ZNF30: variants seen among roughly 807,000 people sequenced by gnomAD.
ZNF30 encodes the protein zinc finger protein 30 (KOX 28).
A neutral mutation model predicts 13.2 loss-of-function variants in ZNF30; 15 were observed. The ratio of observed to expected loss-of-function variants is 1.13; its 90% CI spans 0.76 to 1.75. The LOEUF (loss-of-function observed/expected upper bound fraction) is 1.75. Ranked by LOEUF, ZNF30 falls within the 40% of genes most tolerant of loss-of-function variation. ZNF30 has a pLI of 0.00. For missense variants in ZNF30, 726 were observed against 757.0 expected, an observed-to-expected ratio of 0.96 and a Z score of 0.48; for synonymous variants, 223 against 256.6, an observed-to-expected ratio of 0.87 and a Z score of 1.25.
chr19:34,930,920 C>CT (rs778491201), intron 2 of ZNF30, among the ~76,000 whole-genome samples: 1 of 151,688 alleles, frequency 6.6e-6, no homozygotes, highest in East Asian at 1.9e-4. Context: ...TTGTATGACA[C>CT]TATCAGCATA....
chr19:34,925,015 A>G (rs1321360123), upstream of ZNF30, among the ~76,000 whole-genome samples: 1 of 152,208 alleles, frequency 6.6e-6, no homozygotes. Flanking sequence ...TTGATAAGAG[A>G]AAAGTTCCCT....
rs145286227 is a variant in ZNF30, at chr19:34,930,724, A to G, written c.9+768A>G. Among the ~76,000 whole-genome samples, 360 of 152,206 alleles carry G rather than the reference A, an allele frequency of 2.4e-3. 2 individuals carry two copies. The highest frequency in any genetic ancestry group is 8.0e-3 in the African/African-American group (332 of 41,514). On this transcript the variant is annotated intron_variant, in intron 2 of 4. Transcript: ENST00000601142. Reference sequence around the variant, plus strand: ...AAAAATTTTTTTTAATTAGCCAGGCATGGGGGCACATGCCTGTAGTCCTAA... The same window carrying G: ...AAAAATTTTTTTTAATTAGCCAGGCGTGGGGGCACATGCCTGTAGTCCTAA...
intron 4 of ZNF30, among the ~76,000 whole-genome samples, chr19:34,941,017 C>T (rs115643512): frequency 0.021 from 3,153 of 152,272 alleles, 127 homozygotes; most frequent in African/African-American, 0.072. Context: ...CAACATTCTT[C>T]TCATAAGAAT....
intron 4 of ZNF30, among the ~76,000 whole-genome samples, chr19:34,939,114 T>A (rs1037416885): frequency 7.0e-6 from 1 of 142,830 alleles, no homozygotes; most frequent in African/African-American, 2.8e-5. Flanking sequence ...TACCTATCAG[T>A]GTCTTGTCTC....
At chr19:34,942,372 G>T (rs2013086460) in intron 4 of ZNF30, among the ~76,000 whole-genome samples, 2 of 152,010 alleles carry the variant, frequency 1.3e-5, no homozygotes, top group South Asian at 4.1e-4. Context: ...ACCTGAGCCT[G>T]GGAGGTTGAG....
At chr19:34,932,029 T>G (rs771550724) in intron 3 of ZNF30, 36 bp downstream of exon 3, 1 of 1,539,600 alleles carries the variant, frequency 6.5e-7, no homozygotes, top group Non-Finnish European at 8.7e-7. Flanking sequence ...GAGAATCTGC[T>G]CCCTGTTATA....
intron 3 of ZNF30, among the ~76,000 whole-genome samples, 171 bp downstream of exon 3, chr19:34,932,164 T>C (rs1261587088): frequency 3.9e-5 from 6 of 152,198 alleles, no homozygotes; most frequent in Non-Finnish European, 7.3e-5. Context: ...AATTCTGGAT[T>C]GTCTATTGCA....
rs768387992 is a variant in ZNF30, at chr19:34,944,621, ATGGACAACTTAT to A, written c.1662_1673del (p.Gln554_Gly557del). ...AAATGTGGGAAAGCCTTTACTGTTT[ATGGACAACTTAT>A]TGGACATCAGAGTGTTCACACTGGT... On this transcript the variant is annotated inframe_deletion, in exon 5 of 5. Transcript: ENST00000601142. 7 of 1,613,964 alleles carry A rather than the reference ATGGACAACTTAT, an allele frequency of 4.3e-6. No individual in the cohort carries two copies. The African/African-American group carries it at 9.3e-5, about 22-fold the overall frequency.
chr19:34,925,177 T>G (rs538020413), upstream of ZNF30, among the ~76,000 whole-genome samples: 116 of 143,346 alleles, frequency 8.1e-4, no homozygotes, highest in Admixed American at 1.0e-3. Flanking sequence ...GAAGCCCCAG[T>G]GGGCGTGTTA....
intron 1 of ZNF30, among the ~76,000 whole-genome samples, chr19:34,928,554 C>T (rs1286223059): frequency 1.3e-5 from 2 of 152,014 alleles, no homozygotes; most frequent in African/African-American, 2.4e-5. Flanking sequence ...TTATGGTGGC[C>T]GGGTGCGGTG....
At chr19:34,939,455 G>A (rs960223961) in intron 4 of ZNF30, among the ~76,000 whole-genome samples, 1 of 151,368 alleles carries the variant, frequency 6.6e-6, no homozygotes, top group Admixed American at 6.6e-5. Context: ...TAGGATTACA[G>A]GCGTGAGCCA....
Position 34,942,623 on chromosome 19 carries a change from C to G in ZNF30, c.257-600C>G, listed in dbSNP as rs983888263. Reference sequence around the variant, plus strand: ...AGAAAGCTCCAGTCTACAAACAAAACATGCCAGAAGATTTTTAGGCGATGA... The same window carrying G: ...AGAAAGCTCCAGTCTACAAACAAAAGATGCCAGAAGATTTTTAGGCGATGA... On this transcript the variant is annotated intron_variant, in intron 4 of 4. Coordinates refer to ENST00000601142, the MANE Select transcript of ZNF30 (RefSeq NM_194325.3). The G allele has an allele frequency of 2.4e-5, 31 of 1,288,942 alleles. No homozygotes were observed. The African/African-American group carries it at 4.6e-4, about 19-fold the overall frequency. The allele number at this position is 1,288,942 out of a possible 1,614,324, so 79.8% of individuals were successfully genotyped here.
upstream of ZNF30, chr19:34,926,695 T>C (rs1381734230): frequency 2.8e-6 from 1 of 359,532 alleles, no homozygotes; most frequent in African/African-American, 2.1e-5. Flanking sequence ...TAGATTATCA[T>C]TTTTTGTTTG....
At chr19:34,926,564 A>C (rs2012081044), upstream of ZNF30, among the ~76,000 whole-genome samples, 1 of 152,358 alleles carries the variant, frequency 6.6e-6, no homozygotes, top group South Asian at 2.1e-4. Flanking sequence ...TGCCACTATT[A>C]ATCCTATTAA....
chr19:34,941,219 G>C (rs2013030907), intron 4 of ZNF30, among the ~76,000 whole-genome samples: 1 of 152,138 alleles, frequency 6.6e-6, no homozygotes, highest in Non-Finnish European at 1.5e-5. Flanking sequence ...AAGGCTTGGA[G>C]GTAGAAGGAA....
chr19:34,942,751 G>C, intron 4 of ZNF30: 1 of 608,398 alleles, frequency 1.6e-6, no homozygotes, highest in South Asian at 1.6e-5. Flanking sequence ...GTTGTGTCTT[G>C]ATATGAGGTC....
Position 34,944,250 on chromosome 19 carries a change from T to C in ZNF30, c.1284T>C (p.Tyr428=). 3 of 1,613,446 alleles carry C rather than the reference T, an allele frequency of 1.9e-6. No homozygotes were observed. The highest frequency in any genetic ancestry group is 2.5e-6 in the Non-Finnish European group (3 of 1,179,842). Residue 428 remains tyrosine, a synonymous_variant, in exon 5 of 5, where the codon TAT becomes TAC. Transcript: ENST00000601142. ...HQRIHTGEKP[Y]ECKECGKAFI... ...GGATCCATACTGGGGAGAAACCCTA[T>C]GAATGTAAGGAATGTGGCAAAGCCT...
At position 34,943,924 on chromosome 19, in the gene ZNF30, G is replaced by C; in HGVS notation, c.958G>C (p.Glu320Gln). ...TGGCGAGAAACCCTATGAATGTAAG[G>C]AGTGTGGGAAGTCCTTCACTGTGTA... ...HTGEKPYECK[E>Q]CGKSFTVYGQ... Residue 320 changes from glutamate to glutamine, a missense_variant, in exon 5 of 5, where the codon GAG becomes CAG. Coordinates refer to ENST00000601142, the MANE Select transcript of ZNF30 (RefSeq NM_194325.3). 6.2e-7 allele frequency: 1 copy of C among 1,614,114 alleles called. No homozygotes were observed. Among genetic ancestry groups the C allele is most frequent in the Non-Finnish European group, 8.5e-7 (1 of 1,180,000 alleles).
upstream of ZNF30, among the ~76,000 whole-genome samples, chr19:34,926,042 C>T (rs186811315): frequency 2.6e-4 from 40 of 152,110 alleles, no homozygotes; most frequent in East Asian, 5.4e-3. Flanking sequence ...GGTGTAGTGG[C>T]GCGCCCCTGT....
Sources: allele counts gnomAD v4.1 joint callset (sites outside exome capture counted in the v4.1 genomes callset), GRCh38; gene constraint gnomAD v4.1.1; transcripts MANE v1.5; gene names NCBI Gene and HGNC (gene_info 2026-07-23, HGNC 2026-07-21).